CHID1: variants seen among roughly 807,000 people sequenced by gnomAD.
CHID1 encodes chitinase domain-containing protein 1.
In CHID1, 44 loss-of-function variants were observed where a neutral mutation model predicts 55.4. The observed-to-expected ratio is 0.79, with a 90% CI of 0.62 to 1.02. The LOEUF (loss-of-function observed/expected upper bound fraction) is 1.02. CHID1 is among the 50% of genes least tolerant of loss of function. CHID1 has a pLI of 0.00. For synonymous variants in CHID1, 216 were observed against 212.9 expected, an observed-to-expected ratio of 1.01 and a Z score of -0.13; for missense variants, 491 against 515.3, an observed-to-expected ratio of 0.95 and a Z score of 0.46.
intron 10 of CHID1, among the ~76,000 whole-genome samples, chr11:873,682 G>C (rs1210381234): frequency 1.3e-5 from 2 of 152,186 alleles, no homozygotes; most frequent in Admixed American, 6.5e-5. Context: ...TACAGAGACG[G>C]TGGGCTGGAG....
In CHID1 at chr11:902,266, A is replaced by G. The variant is rs1851875989; in HGVS notation, c.326T>C (p.Val109Ala). The G allele has an allele frequency of 6.2e-7, 1 of 1,613,884 alleles. No homozygotes were observed. The highest frequency in any genetic ancestry group is 1.1e-5 in the South Asian group (1 of 91,080). The change falls in exon 4 of 13, where the codon GTC (valine) becomes GCC (alanine). Residue 109 changes from valine to alanine, a missense_variant. Transcript: ENST00000323578. ...GCCACGTCTCTTCAGCTGCAGCCAG[A>G]CGGGTGAGATCTGTGTGAACTTGCT... ...FGSKFTQISP[V>A]WLQLKRRGRE...
rs1427859386 is a variant in CHID1 at position 884,064 on chromosome 11, T to A, written c.803+4A>T. ...GCCCAGGAGCCCCCCAAGCCCACACTCACTGATGCGCTGTAGAGTAGTCGT... is the reference window on the plus strand; with the variant it reads ...GCCCAGGAGCCCCCCAAGCCCACACACACTGATGCGCTGTAGAGTAGTCGT... On this transcript the variant is annotated splice_donor_region_variant and intron_variant, in intron 9 of 12. Transcript: ENST00000323578. 1 of 1,612,284 alleles carries A rather than the reference T, an allele frequency of 6.2e-7. No individual in the cohort carries two copies. The highest frequency in any genetic ancestry group is 1.1e-5 in the South Asian group (1 of 91,046).
At chr11:898,369 G>A (rs866037617) in intron 7 of CHID1, among the ~76,000 whole-genome samples, 15 of 152,248 alleles carry the variant, frequency 9.9e-5, no homozygotes, top group Non-Finnish European at 1.6e-4. Context: ...CGGGGGAGCC[G>A]ATTCCAGAAC....
chr11:884,314 C>A (rs1850236507), intron 8 of CHID1, 145 bp from the exon 9 acceptor site: 3 of 627,568 alleles, frequency 4.8e-6, no homozygotes, highest in East Asian at 2.8e-5. Flanking sequence ...GGACAGCCTG[C>A]AGCTTGGTTG....
chr11:906,633 T>C (rs571833015), intron 1 of CHID1, among the ~76,000 whole-genome samples: 3 of 152,190 alleles, frequency 2.0e-5, no homozygotes, highest in African/African-American at 7.2e-5. Context: ...ATGAAGACGC[T>C]ACAAGACAGA....
chr11:905,177 T>C (rs1852118947), intron 1 of CHID1, among the ~76,000 whole-genome samples: 4 of 152,296 alleles, frequency 2.6e-5, no homozygotes, highest in Middle Eastern at 3.4e-3. Context: ...TAGAAAAGCA[T>C]TGGTTCCCAC....
intron 10 of CHID1, among the ~76,000 whole-genome samples, chr11:872,186 G>T (rs1270196661): frequency 1.3e-5 from 2 of 152,330 alleles, no homozygotes; most frequent in East Asian, 1.9e-4. Context: ...TTGAGACAAA[G>T]TCTCGCTGTC....
At chr11:882,978 G>A (rs1298734034) in intron 10 of CHID1, 170 bp downstream of exon 10, 10 of 669,604 alleles carry the variant, frequency 1.5e-5, no homozygotes, top group Admixed American at 2.8e-5. Context: ...TGGGGGCTGC[G>A]GTGGGGTGGG....
chr11:880,326 C>T (rs566025434), intron 10 of CHID1, among the ~76,000 whole-genome samples: 15 of 152,218 alleles, frequency 9.9e-5, no homozygotes, highest in African/African-American at 1.4e-4. Context: ...CCCTCGTGTC[C>T]GCCCCCGCAG....
intron 10 of CHID1, among the ~76,000 whole-genome samples, chr11:878,091 C>T (rs960810571): frequency 1.3e-5 from 2 of 152,228 alleles, no homozygotes; most frequent in South Asian, 4.1e-4. Flanking sequence ...GAACTGGCCA[C>T]GGGCCTTGGA....
At chr11:887,977 C>A (rs373239040) in intron 8 of CHID1, among the ~76,000 whole-genome samples, 47 of 152,340 alleles carry the variant, frequency 3.1e-4, no homozygotes, top group African/African-American at 1.1e-3. Context: ...GCTCCCCATG[C>A]GTCCACCAGA....
At chr11:881,730 C>T (rs771489373) in intron 10 of CHID1, among the ~76,000 whole-genome samples, 4 of 150,786 alleles carry the variant, frequency 2.7e-5, no homozygotes, top group Non-Finnish European at 5.9e-5. Flanking sequence ...AGGCCAGGCA[C>T]GGGGCTCACA....
chr11:903,909 C>G (rs1212960137), intron 2 of CHID1: 1 of 201,416 alleles, frequency 5.0e-6, no homozygotes, highest in East Asian at 1.8e-4. Flanking sequence ...CAATACGACC[C>G]TACTGGCCAA....
At chr11:883,119 C>T (rs770474003) in intron 10 of CHID1, 29 bp downstream of exon 10, 6 of 1,598,356 alleles carry the variant, frequency 3.8e-6, no homozygotes, top group Non-Finnish European at 5.1e-6. Flanking sequence ...GTGACACCTT[C>T]AGCACGGCAG....
intron 7 of CHID1, among the ~76,000 whole-genome samples, chr11:898,793 C>G (rs1008200120): frequency 2.7e-4 from 41 of 152,198 alleles, no homozygotes; most frequent in Admixed American, 2.7e-3. Context: ...GGGCTGGGCT[C>G]TGATGTGGCA....
rs1267334523 is a variant in CHID1 at position 875,571 on chromosome 11, GTGAGCA to G, written c.960-5078_960-5073del. On this transcript the variant is annotated intron_variant, in intron 10 of 12. Transcript: ENST00000323578. The surrounding 1 kb of genome is among the most constrained non-coding windows in gnomAD (Gnocchi z 4.7). ...AGCGCTGGGGTGTTAGGAGAACACG[GTGAGCA>G]TGAGGCCGGGGATCGGGGCTGGGGT... 9.9e-5 allele frequency among the ~76,000 whole-genome samples: 15 copies of G among 152,204 alleles called. No homozygotes were observed. Among genetic ancestry groups the G allele is most frequent in the East Asian group, 3.8e-4 (2 of 5,202 alleles).
chr11:887,348 C>T (rs1221131729), intron 8 of CHID1, among the ~76,000 whole-genome samples: 1 of 152,190 alleles, frequency 6.6e-6, no homozygotes, highest in Non-Finnish European at 1.5e-5. Flanking sequence ...TTCCCACCAC[C>T]GTGTTCCCAT....
intron 2 of CHID1, 114 bp from the exon 3 acceptor site, chr11:903,225 A>G: frequency 3.7e-6 from 4 of 1,073,114 alleles, no homozygotes; most frequent in Non-Finnish European, 5.4e-6. Flanking sequence ...CTGGATCCAC[A>G]CAGTGCTGCT....
chr11:910,496 T>C, intron 1 of CHID1: 1 of 729,850 alleles, frequency 1.4e-6, no homozygotes, highest in Non-Finnish European at 1.8e-6. Context: ...CACCTCCCAC[T>C]CGCGGTCCCC....
Sources: gnomAD v4.1 joint callset for allele counts (sites outside exome capture counted in the v4.1 genomes callset) on GRCh38, gnomAD v4.1.1 for gene constraint, Gnocchi (gnomAD v3.1) non-coding constraint, MANE v1.5 for transcripts, NCBI Gene and HGNC (gene_info 2026-07-23, HGNC 2026-07-21) for gene names.